The following ATRNL1 variants were observed in gnomAD, a reference collection of about 807,000 sequenced individuals.
ATRNL1 encodes the protein attractin like 1, also known as attractin-like protein 1.
In ATRNL1, 95 loss-of-function variants were observed where a neutral mutation model predicts 182.7. The ratio of observed to expected loss-of-function variants is 0.52; its 90% confidence interval spans 0.44 to 0.62. The LOEUF (loss-of-function observed/expected upper bound fraction) is 0.62. Ranked by LOEUF, ATRNL1 falls within the 20% of genes least tolerant of loss-of-function variation. ATRNL1 has a pLI of 0.00. For missense variants in ATRNL1, 1,471 were observed against 1,679.5 expected (o/e 0.88, Z 2.17); for synonymous variants, 576 against 568.3 (o/e 1.01, Z -0.19).
intron 17 of ATRNL1, among the ~76,000 whole-genome samples, chr10:115,312,488 A>G (rs1351676352): frequency 1.3e-5 from 2 of 152,106 alleles, no homozygotes; most frequent in Non-Finnish European, 2.9e-5. Flanking sequence ...TTAGTCTGAT[A>G]AGTTTTTCTT....
intron 15 of ATRNL1, among the ~76,000 whole-genome samples, chr10:115,287,088 A>G (rs890824299): frequency 1.3e-5 from 2 of 151,998 alleles, no homozygotes; most frequent in Non-Finnish European, 2.9e-5. Flanking sequence ...ATTACTTGCT[A>G]TATAGAAACA....
At chr10:115,683,487 T>C (rs1270583104) in intron 26 of ATRNL1, among the ~76,000 whole-genome samples, 1 of 151,596 alleles carries the variant, frequency 6.6e-6, no homozygotes, top group African/African-American at 2.4e-5. Context: ...AAAATGAATA[T>C]GCTTTCTGTG....
chr10:115,835,065 T>G (rs1950639310), intron 27 of ATRNL1, among the ~76,000 whole-genome samples: 1 of 152,078 alleles, frequency 6.6e-6, no homozygotes, highest in Non-Finnish European at 1.5e-5. Flanking sequence ...ATAGTTGACA[T>G]TATTATTATT....
At chr10:115,772,147 A>T (rs1259750783) in intron 27 of ATRNL1, among the ~76,000 whole-genome samples, 1 of 152,228 alleles carries the variant, frequency 6.6e-6, no homozygotes, top group Non-Finnish European at 1.5e-5. Flanking sequence ...CAATTTGTGG[A>T]ATTGAATTCC....
chr10:115,160,024 A>ATTT lies in ATRNL1; in HGVS notation c.830-8_830-6dup. ...TTTGTTTAATCTAGTGTGTTGTTTC[A>ATTT]TTTTTTTTTTAATAGGTCCTGATTG... On this transcript the variant is annotated splice_polypyrimidine_tract_variant and intron_variant, in intron 5 of 28. Transcript: ENST00000355044. The ATTT allele has an allele frequency of 7.2e-7, 1 of 1,389,746 alleles. No homozygotes were observed. The highest frequency in any genetic ancestry group is 1.4e-5 in the South Asian group (1 of 71,394). The allele number at this position is 1,389,746 out of a possible 1,614,324, so 86.1% of individuals were successfully genotyped here.
intron 24 of ATRNL1, among the ~76,000 whole-genome samples, chr10:115,507,138 A>G (rs1319484834): frequency 6.6e-6 from 1 of 152,088 alleles, no homozygotes; most frequent in Admixed American, 6.6e-5. Context: ...TTATAGGTAG[A>G]TAAGAGACAA....
At chr10:115,433,800 C>T (rs1846273543) in intron 21 of ATRNL1, among the ~76,000 whole-genome samples, 2 of 151,940 alleles carry the variant, frequency 1.3e-5, no homozygotes, top group South Asian at 4.2e-4. Flanking sequence ...ATATATTTTA[C>T]AATAAAAGTG....
At chr10:115,317,161 A>G (rs1854338234) in intron 18 of ATRNL1, among the ~76,000 whole-genome samples, 1 of 152,270 alleles carries the variant, frequency 6.6e-6, no homozygotes, top group Non-Finnish European at 1.5e-5. Context: ...AGTACCATTT[A>G]TTGAATAGGA....
At position 115,300,211 on chromosome 10, in the gene ATRNL1, T is replaced by A; in HGVS notation, c.2593T>A (p.Ser865Thr). 6.2e-7 allele frequency: 1 copy of A among 1,614,016 alleles called. No homozygotes were observed. Among genetic ancestry groups the A allele is most frequent in the Middle Eastern group, 1.7e-4 (1 of 6,060 alleles). Residue 865 changes from serine to threonine, a missense_variant, in exon 16 of 29, where the codon TCT becomes ACT. Physicochemically the swap from Ser to Thr is moderately conservative, Grantham distance 58. Transcript: ENST00000355044. ...VAGLKANPCT[S>T]MANGLVCEKP... is the part of the protein sequence containing the mutation. ...AGGCTTAAAAGCTAATCCTTGTACA[T>A]CTATGGCAAATGGCCTTGTCTGTGA...
At chr10:115,614,137 C>T (rs970469153) in intron 26 of ATRNL1, among the ~76,000 whole-genome samples, 1 of 151,972 alleles carries the variant, frequency 6.6e-6, no homozygotes, top group Non-Finnish European at 1.5e-5. Flanking sequence ...TAAAATCTTT[C>T]TACTTTTATG....
chr10:115,829,581 T>G (rs1207861088), intron 27 of ATRNL1, among the ~76,000 whole-genome samples: 1 of 152,094 alleles, frequency 6.6e-6, no homozygotes, highest in Non-Finnish European at 1.5e-5. Context: ...TCCTTGGTAT[T>G]TATAACTCAT....
chr10:115,401,832 T>C (rs902133373), intron 20 of ATRNL1, among the ~76,000 whole-genome samples: 2 of 152,130 alleles, frequency 1.3e-5, no homozygotes, highest in Non-Finnish European at 2.9e-5. Context: ...CACAGTAATT[T>C]TACCATGTAG....
At chr10:115,543,565 G>T (rs1554992712) in intron 25 of ATRNL1, among the ~76,000 whole-genome samples, 1 of 151,864 alleles carries the variant, frequency 6.6e-6, no homozygotes, top group East Asian at 1.9e-4. Context: ...TGACATTTAT[G>T]ATCAGTTAAC....
chr10:115,417,299 C>T (rs1304091973), intron 20 of ATRNL1, among the ~76,000 whole-genome samples: 1 of 152,168 alleles, frequency 6.6e-6, no homozygotes, highest in Non-Finnish European at 1.5e-5. Context: ...AGTCCTGTGG[C>T]TCGACTCCAG....
Position 115,315,559 on chromosome 10 carries a change from G to C in ATRNL1, c.2860G>C (p.Glu954Gln), listed in dbSNP as rs1187812880. 6.2e-7 allele frequency: 1 copy of C among 1,613,708 alleles called. No homozygotes were observed. Among genetic ancestry groups the C allele is most frequent in the Non-Finnish European group, 8.5e-7 (1 of 1,179,912 alleles). The change falls in exon 18 of 29, where the codon GAA becomes CAA. Residue 954 changes from glutamate (E) to glutamine (Q), a missense_variant. By Grantham distance (29) the Glu-to-Gln change is conservative. This residue lies in a region of ATRNL1 where 3 missense variants were observed against 17.5 expected (regional missense o/e 0.17). Coordinates refer to ENST00000355044, the MANE Select transcript of ATRNL1 (RefSeq NM_207303.4). The part of the protein sequence containing the change: ...SGLRTCGQCL[E>Q]QPGCGWCNDP... The stretch of plus-strand genomic sequence containing the variant: ...ATTGAGAACCTGTGGACAGTGTTTG[G>C]AACAGCCTGGATGTGGCTGGTGCAA...
chr10:115,363,472 T>G (rs1554944928), intron 19 of ATRNL1, among the ~76,000 whole-genome samples: 1 of 146,862 alleles, frequency 6.8e-6, no homozygotes, highest in Non-Finnish European at 1.5e-5. Flanking sequence ...GTAGGTTGCC[T>G]GTTCACTCTG....
chr10:115,867,762 A>C (rs1278732148), intron 28 of ATRNL1, among the ~76,000 whole-genome samples: 2 of 148,884 alleles, frequency 1.3e-5, no homozygotes, highest in African/African-American at 5.0e-5. Flanking sequence ...TTTTGAGACA[A>C]AGTCTCACTC....
intron 5 of ATRNL1, among the ~76,000 whole-genome samples, chr10:115,142,923 T>C (rs983920923): frequency 1.3e-5 from 2 of 152,156 alleles, no homozygotes; most frequent in Admixed American, 1.3e-4. Flanking sequence ...TCAACTAATA[T>C]GAGGAAGATT....
intron 10 of ATRNL1, among the ~76,000 whole-genome samples, chr10:115,244,682 AT>A (rs368850701): frequency 2.7e-4 from 41 of 151,674 alleles, no homozygotes; most frequent in African/African-American, 8.0e-4. Flanking sequence ...CAAAAACTTA[AT>A]TTTTTTTTGT....
Sources: gnomAD v4.1 joint callset for allele counts (sites outside exome capture counted in the v4.1 genomes callset) on GRCh38, gnomAD v4.1.1 for gene constraint, gnomAD v4.1.1 regional missense constraint, MANE v1.5 for transcripts, NCBI Gene and HGNC (gene_info 2026-07-23, HGNC 2026-07-21) for gene names.